The following PTPRK variants were observed in gnomAD, a reference collection of about 807,000 sequenced individuals.
PTPRK encodes the protein protein tyrosine phosphatase receptor type K.
In PTPRK, 75 loss-of-function variants were observed where a neutral mutation model predicts 178.0. That is an observed-to-expected ratio of 0.42 (90% CI 0.35 to 0.51). The LOEUF is 0.51. PTPRK is among the 20% of genes least tolerant of loss of function. PTPRK has a pLI of 0.02. For missense variants in PTPRK, 1,441 were observed against 1,797.8 expected (o/e 0.80, Z 3.59); for synonymous variants, 637 against 620.6 (o/e 1.03, Z -0.39).
chr6:128,168,878 C>A (rs879643099), intron 7 of PTPRK, among the ~76,000 whole-genome samples: 3 of 152,066 alleles, frequency 2.0e-5, no homozygotes, highest in African/African-American at 7.2e-5. Context: ...GAAATTGTGA[C>A]ATATATCTAC....
At chr6:128,007,993 T>C in intron 14 of PTPRK, 1 of 1,179,982 alleles carries the variant, frequency 8.5e-7, no homozygotes, top group Non-Finnish European at 1.2e-6. Context: ...GAAAGCACTA[T>C]TTGGGGAAAG....
chr6:128,174,957 T>C (rs1800844318), intron 7 of PTPRK, among the ~76,000 whole-genome samples: 1 of 151,922 alleles, frequency 6.6e-6, no homozygotes, highest in South Asian at 2.1e-4. Flanking sequence ...CAGCCTCAGT[T>C]TGCATTTATG....
At chr6:128,088,144 G>A (rs974669819) in intron 8 of PTPRK, among the ~76,000 whole-genome samples, 5 of 152,130 alleles carry the variant, frequency 3.3e-5, no homozygotes, top group Non-Finnish European at 7.4e-5. Context: ...TTGGGAGGCG[G>A]AGGCGGGTGG....
chr6:128,226,761 CATATATATATATATATATATATATATAT>C (rs71028117), intron 5 of PTPRK, among the ~76,000 whole-genome samples: 2 of 109,540 alleles, frequency 1.8e-5, no homozygotes, highest in Non-Finnish European at 3.7e-5. Context: ...ATTATATAGA[CATATATATATATATATATATATATATAT>C]ATATATATAT....
intron 7 of PTPRK, among the ~76,000 whole-genome samples, chr6:128,116,527 T>C (rs993378243): frequency 1.3e-5 from 2 of 152,208 alleles, no homozygotes; most frequent in African/African-American, 4.8e-5. Flanking sequence ...AGATAAGACA[T>C]GGTGCAACCA....
At chr6:128,259,214 T>C (rs1487066148) in intron 3 of PTPRK, among the ~76,000 whole-genome samples, 3 of 152,110 alleles carry the variant, frequency 2.0e-5, no homozygotes, top group South Asian at 2.1e-4. Context: ...ACAACTGTCA[T>C]AGTTCCAGGC....
At chr6:128,387,481 G>A (rs969528597) in intron 2 of PTPRK, among the ~76,000 whole-genome samples, 1 of 152,046 alleles carries the variant, frequency 6.6e-6, no homozygotes, top group Non-Finnish European at 1.5e-5. Flanking sequence ...ATAAAATTTA[G>A]GAATCTTATT....
At chr6:128,306,982 A>C (rs1826481646) in intron 3 of PTPRK, among the ~76,000 whole-genome samples, 1 of 151,970 alleles carries the variant, frequency 6.6e-6, no homozygotes, top group Non-Finnish European at 1.5e-5. Context: ...AAAAACTATC[A>C]GATAAAAACT....
chr6:127,985,708 G>A lies in PTPRK; in HGVS notation c.3251+13C>T, dbSNP rs747120369. On this transcript the variant is annotated intron_variant, in intron 22 of 29. Coordinates refer to ENST00000368226, the MANE Select transcript of PTPRK (RefSeq NM_002844.4). ...GATTGCATACAGTCAATACCATTTG[G>A]ACCACCACTTACCTGCAATGTACAA... 1.2e-6 allele frequency: 2 copies of A among 1,603,826 alleles called. No homozygotes were observed. Among genetic ancestry groups the A allele is most frequent in the South Asian group, 1.1e-5 (1 of 90,222 alleles).
At chr6:128,384,760 AT>A (rs539862963) in intron 2 of PTPRK, among the ~76,000 whole-genome samples, 2,938 of 150,322 alleles carry the variant, frequency 0.02, 49 homozygotes, top group Non-Finnish European at 0.029. Context: ...AAAAATTTTT[AT>A]TTTTTTTTTA....
chr6:128,245,228 G>A (rs537404694), intron 3 of PTPRK, among the ~76,000 whole-genome samples: 6 of 151,984 alleles, frequency 3.9e-5, no homozygotes, highest in Non-Finnish European at 7.4e-5. Context: ...CCTGCCTCTA[G>A]GTTGCTTTTG....
intron 19 of PTPRK, among the ~76,000 whole-genome samples, chr6:127,991,997 G>A (rs1776662245): frequency 6.6e-6 from 1 of 151,642 alleles, no homozygotes; most frequent in African/African-American, 2.4e-5. Context: ...ACAGAAAAAT[G>A]ACCCCTGTTA....
chr6:128,313,356 G>A lies in PTPRK; in HGVS notation c.495+8683C>T, dbSNP rs115647319. ...ATGGGACACCCTGACCTTTTTAAAAGAGGGCCTATAATACTATTGGAGGAA... is the reference window on the plus strand; with the variant it reads ...ATGGGACACCCTGACCTTTTTAAAAAAGGGCCTATAATACTATTGGAGGAA... On this transcript the variant is annotated intron_variant, in intron 3 of 29. Transcript: ENST00000368226. 8.0e-3 allele frequency among the ~76,000 whole-genome samples: 1,212 copies of A among 152,152 alleles called. 24 individuals carry two copies. Among genetic ancestry groups the A allele is most frequent in the African/African-American group, 0.028 (1,157 of 41,510 alleles).
chr6:128,169,881 C>T (rs1207925847), intron 7 of PTPRK, among the ~76,000 whole-genome samples: 3 of 150,740 alleles, frequency 2.0e-5, no homozygotes, highest in Non-Finnish European at 4.4e-5. Context: ...ATGATAAACA[C>T]CAGGCACTTT....
chr6:128,430,306 T>A (rs781324533), intron 1 of PTPRK, among the ~76,000 whole-genome samples: 2 of 152,190 alleles, frequency 1.3e-5, no homozygotes, highest in African/African-American at 2.4e-5. Context: ...AGAAATAATG[T>A]CTCCTTTCTC....
chr6:128,475,879 TG>T (rs1315763064), intron 1 of PTPRK, among the ~76,000 whole-genome samples: 4 of 152,024 alleles, frequency 2.6e-5, no homozygotes, highest in Non-Finnish European at 5.9e-5. Context: ...AGACAGTATA[TG>T]GCCATATCCA....
chr6:128,398,169 A>C (rs1840584395), intron 1 of PTPRK, among the ~76,000 whole-genome samples: 1 of 152,136 alleles, frequency 6.6e-6, no homozygotes, highest in Admixed American at 6.5e-5. Context: ...AACAGTACGG[A>C]ATCTTCTCAG....
At chr6:127,976,621 T>C in intron 27 of PTPRK, 36 bp downstream of exon 27, 4 of 1,611,732 alleles carry the variant, frequency 2.5e-6, no homozygotes, top group Non-Finnish European at 3.4e-6. Context: ...GACTGACCTA[T>C]TCTAGATCAG....
intron 25 of PTPRK, among the ~76,000 whole-genome samples, chr6:127,977,802 T>C (rs762756752): frequency 9.9e-5 from 15 of 152,180 alleles, no homozygotes; most frequent in Non-Finnish European, 1.9e-4. Context: ...TAGAACACAA[T>C]ATATTATCTC....
Sources: gnomAD v4.1 joint callset for allele counts (sites outside exome capture counted in the v4.1 genomes callset) on GRCh38, gnomAD v4.1.1 for gene constraint, MANE v1.5 for transcripts, NCBI Gene and HGNC (gene_info 2026-07-23, HGNC 2026-07-21) for gene names.